The following KIAA1328 variants were observed in gnomAD, a reference collection of about 807,000 sequenced individuals.
The protein encoded by KIAA1328 is KIAA1328.
In KIAA1328, 52 loss-of-function variants were observed where a neutral mutation model predicts 68.1. The ratio of observed to expected loss-of-function variants is 0.76; its 90% CI spans 0.61 to 0.96. KIAA1328 has a LOEUF of 0.96. Ranked by LOEUF, KIAA1328 falls within the 40% of genes least tolerant of loss-of-function variation. The probability of loss-of-function intolerance (pLI) is 0.00; values close to 1 mark genes in which losing one functional copy is unlikely to be tolerated. For missense variants in KIAA1328, 641 were observed against 677.6 expected, an observed-to-expected ratio of 0.95 and a Z score of 0.60; for synonymous variants, 232 against 239.4, an observed-to-expected ratio of 0.97 and a Z score of 0.28.
intron 6 of KIAA1328, among the ~76,000 whole-genome samples, chr18:37,028,291 AT>A (rs1599018858): frequency 6.6e-6 from 1 of 151,912 alleles, no homozygotes; most frequent in African/African-American, 2.4e-5. Flanking sequence ...TTTTTTGTGT[AT>A]GGTTTTTGTG....
chr18:37,193,962 G>C (rs1041757292), intron 9 of KIAA1328, among the ~76,000 whole-genome samples: 1 of 152,122 alleles, frequency 6.6e-6, no homozygotes, highest in Admixed American at 6.5e-5. Flanking sequence ...ATTCTTTTAA[G>C]TTGCCGCACA....
intron 5 of KIAA1328, among the ~76,000 whole-genome samples, chr18:36,936,783 C>A (rs2050516338): frequency 6.6e-6 from 1 of 152,096 alleles, no homozygotes; most frequent in African/African-American, 2.4e-5. Flanking sequence ...TCTGTTGTTT[C>A]CTGCCTTTGT....
chr18:37,028,493 T>C (rs2054687075), intron 6 of KIAA1328, among the ~76,000 whole-genome samples: 1 of 151,642 alleles, frequency 6.6e-6, no homozygotes, highest in South Asian at 2.1e-4. Flanking sequence ...TTTGACTTCC[T>C]CTCTTCCTGG....
At chr18:37,073,916 T>G (rs1196958877) in intron 7 of KIAA1328, among the ~76,000 whole-genome samples, 1 of 152,204 alleles carries the variant, frequency 6.6e-6, no homozygotes, top group Non-Finnish European at 1.5e-5. Flanking sequence ...TTATCTTCAT[T>G]TGTGGCATGA....
At chr18:36,838,268 A>G (rs1378822756) in intron 3 of KIAA1328, among the ~76,000 whole-genome samples, 3 of 152,216 alleles carry the variant, frequency 2.0e-5, no homozygotes, top group East Asian at 1.9e-4. Context: ...GATAGTTCAC[A>G]TATTCTTATT....
chr18:37,175,873 A>G (rs1321309388), intron 9 of KIAA1328, among the ~76,000 whole-genome samples: 1 of 152,190 alleles, frequency 6.6e-6, no homozygotes, highest in African/African-American at 2.4e-5. Flanking sequence ...AAGACCTGCA[A>G]ACAAGGATGG....
intron 8 of KIAA1328, among the ~76,000 whole-genome samples, chr18:37,161,953 A>G (rs190114090): frequency 6.6e-6 from 1 of 152,348 alleles, no homozygotes; most frequent in Admixed American, 6.5e-5. Flanking sequence ...TCCTGGGCCT[A>G]GCTACAGAAG....
intron 4 of KIAA1328, among the ~76,000 whole-genome samples, chr18:36,857,688 T>G (rs1435297683): frequency 6.6e-6 from 1 of 152,218 alleles, no homozygotes; most frequent in Admixed American, 6.5e-5. Context: ...AAAGTTGATT[T>G]TGTTAGTTTT....
chr18:37,191,778 A>T (rs1465153030), intron 9 of KIAA1328, among the ~76,000 whole-genome samples: 1 of 152,226 alleles, frequency 6.6e-6, no homozygotes, highest in African/African-American at 2.4e-5. Context: ...ACAGTTCTTG[A>T]GTTCACAATC....
intron 8 of KIAA1328, among the ~76,000 whole-genome samples, chr18:37,172,474 A>G (rs1024217589): frequency 6.6e-6 from 1 of 152,208 alleles, no homozygotes; most frequent in Non-Finnish European, 1.5e-5. Flanking sequence ...TGGCACTCGA[A>G]TGAATATTAG....
chr18:37,144,684 A>G (rs933043090), intron 7 of KIAA1328, among the ~76,000 whole-genome samples: 1 of 151,730 alleles, frequency 6.6e-6, no homozygotes, highest in African/African-American at 2.4e-5. Flanking sequence ...AAACACCACC[A>G]CACCCAGCTA....
chr18:36,887,984 A>G (rs573796658), intron 5 of KIAA1328, among the ~76,000 whole-genome samples: 36 of 152,284 alleles, frequency 2.4e-4, no homozygotes, highest in African/African-American at 7.9e-4. Context: ...GGTTATCTGG[A>G]AAAGTAGAAT....
At chr18:37,027,582 A>T (rs1344161716) in intron 6 of KIAA1328, among the ~76,000 whole-genome samples, 1 of 152,250 alleles carries the variant, frequency 6.6e-6, no homozygotes, top group Non-Finnish European at 1.5e-5. Context: ...CAGCCATCTG[A>T]TCTTTGACAA....
At chr18:37,196,757 G>T (rs1021339727) in intron 9 of KIAA1328, among the ~76,000 whole-genome samples, 4 of 151,982 alleles carry the variant, frequency 2.6e-5, no homozygotes, top group Non-Finnish European at 4.4e-5. Flanking sequence ...TTGTGTCTTT[G>T]TCTGGTTTTG....
intron 7 of KIAA1328, among the ~76,000 whole-genome samples, chr18:37,155,395 C>T (rs1356929416): frequency 6.6e-6 from 1 of 152,164 alleles, no homozygotes; most frequent in Admixed American, 6.5e-5. Flanking sequence ...CCACCCTTCC[C>T]CAATCCTCCT....
chr18:37,070,992 C>T (rs1317025511), intron 7 of KIAA1328, among the ~76,000 whole-genome samples: 1 of 150,936 alleles, frequency 6.6e-6, no homozygotes, highest in Non-Finnish European at 1.5e-5. Context: ...TTTGAGTCAG[C>T]CAGTTTCTTT....
At chr18:36,845,443 C>T (rs980212156) in intron 4 of KIAA1328, among the ~76,000 whole-genome samples, 2 of 151,694 alleles carry the variant, frequency 1.3e-5, no homozygotes, top group East Asian at 3.9e-4. Context: ...ATTTGTTTGA[C>T]TCTGTTTGTT....
intron 5 of KIAA1328, among the ~76,000 whole-genome samples, chr18:36,931,647 A>G (rs2050314513): frequency 1.3e-5 from 2 of 152,022 alleles, no homozygotes; most frequent in African/African-American, 4.8e-5. Flanking sequence ...GCTTAGCACT[A>G]TCATATATTT....
chr18:36,847,968 G>A (rs1164890316), intron 4 of KIAA1328, among the ~76,000 whole-genome samples: 1 of 151,658 alleles, frequency 6.6e-6, no homozygotes, highest in Non-Finnish European at 1.5e-5. Context: ...TGCCAGCACT[G>A]CACTGACTTG....
Sources: allele counts gnomAD v4.1 joint callset (sites outside exome capture counted in the v4.1 genomes callset), GRCh38; gene constraint gnomAD v4.1.1; transcripts MANE v1.5; gene names NCBI Gene and HGNC (gene_info 2026-07-23, HGNC 2026-07-21).